IL34: variants seen among roughly 807,000 people sequenced by gnomAD.
IL34 encodes interleukin 34, also known as interleukin-34.
In IL34, 17 loss-of-function variants were observed where a neutral mutation model predicts 25.3. The observed-to-expected ratio is 0.67, with a 90% CI of 0.46 to 1.01. The LOEUF (loss-of-function observed/expected upper bound fraction) is 1.01, where lower values mean the gene tolerates loss of function less well. Ranked by LOEUF, IL34 falls within the 50% of genes least tolerant of loss-of-function variation. The pLI, the probability that IL34 is intolerant of heterozygous loss-of-function variation, is 0.00. For synonymous variants in IL34, 174 were observed against 140.9 expected, an observed-to-expected ratio of 1.23 and a Z score of -1.66; for missense variants, 368 against 312.9, an observed-to-expected ratio of 1.18 and a Z score of -1.33.
At chr16:70,622,755 G>A in intron 1 of IL34, among the ~76,000 whole-genome samples, 2 of 152,094 alleles carry the variant, frequency 1.3e-5, no homozygotes, top group Non-Finnish European at 2.9e-5. Flanking sequence ...CCGGGGAGCA[G>A]AAAGTATATG....
intron 1 of IL34, among the ~76,000 whole-genome samples, chr16:70,624,368 T>C (rs962057937): frequency 2.0e-5 from 3 of 152,182 alleles, no homozygotes; most frequent in African/African-American, 7.2e-5. Flanking sequence ...GAATTGCAAC[T>C]TTTTTTCTGT....
intron 1 of IL34, among the ~76,000 whole-genome samples, chr16:70,648,481 A>G (rs545169858): frequency 1.5e-5 from 2 of 134,734 alleles, no homozygotes; most frequent in South Asian, 5.4e-4. Flanking sequence ...TGAGCCCAGG[A>G]GGTTGAGGCT....
chr16:70,619,782 G>A (rs1270220427), intron 1 of IL34, among the ~76,000 whole-genome samples: 2 of 152,206 alleles, frequency 1.3e-5, no homozygotes, highest in African/African-American at 4.8e-5. Flanking sequence ...CCTTGGGCCA[G>A]AGTTCCAGGG....
chr16:70,588,007 C>G (rs868138525), intron 1 of IL34, among the ~76,000 whole-genome samples: 15 of 152,206 alleles, frequency 9.9e-5, no homozygotes, highest in South Asian at 6.2e-4. Context: ...CCACTGCACT[C>G]TAGCCTGGGT....
intron 1 of IL34, among the ~76,000 whole-genome samples, chr16:70,652,059 C>G (rs546389720): frequency 7.3e-5 from 11 of 151,310 alleles, no homozygotes; most frequent in African/African-American, 1.9e-4. Context: ...GCCCAGGAAG[C>G]GGAGGTTGCA....
At chr16:70,647,037 G>A in intron 1 of IL34, 62 bp downstream of exon 1, 1 of 1,354,922 alleles carries the variant, frequency 7.4e-7, no homozygotes, top group Non-Finnish European at 9.6e-7. Context: ...TCCAGGATCT[G>A]CCGTAACCAT....
At chr16:70,593,300 A>T (rs2050778170) in intron 1 of IL34, among the ~76,000 whole-genome samples, 2 of 152,138 alleles carry the variant, frequency 1.3e-5, no homozygotes. Context: ...ATAAAGTCTA[A>T]TGTCAATTTT....
chr16:70,649,508 T>C (rs1215339428), intron 1 of IL34, among the ~76,000 whole-genome samples: 2 of 152,182 alleles, frequency 1.3e-5, no homozygotes, highest in East Asian at 3.9e-4. Context: ...TAGTCCTCAG[T>C]TTGGTCCAGT....
chr16:70,619,714 G>A (rs983634942), intron 1 of IL34, among the ~76,000 whole-genome samples: 1 of 152,216 alleles, frequency 6.6e-6, no homozygotes, highest in African/African-American at 2.4e-5. Flanking sequence ...AGGCGATCGG[G>A]CAGTGTCAGT....
upstream of IL34, among the ~76,000 whole-genome samples, chr16:70,643,853 G>A (rs1218409510): frequency 6.6e-6 from 1 of 152,146 alleles, no homozygotes; most frequent in African/African-American, 2.4e-5. Flanking sequence ...TGACAATATT[G>A]TGATTATATA....
At chr16:70,628,733 C>A (rs536445085) in intron 1 of IL34, among the ~76,000 whole-genome samples, 2 of 150,898 alleles carry the variant, frequency 1.3e-5, no homozygotes, top group Non-Finnish European at 2.9e-5. Flanking sequence ...TTGATCCACC[C>A]GCCTTGGCCT....
chr16:70,585,150 G>A (rs1169449677), intron 1 of IL34, among the ~76,000 whole-genome samples: 1 of 152,160 alleles, frequency 6.6e-6, no homozygotes, highest in East Asian at 1.9e-4. Context: ...CCTTTCAGAT[G>A]TCTGTCTCTA....
chr16:70,590,523 T>C (rs1286594645), intron 1 of IL34, among the ~76,000 whole-genome samples: 1 of 152,144 alleles, frequency 6.6e-6, no homozygotes, highest in African/African-American at 2.4e-5. Flanking sequence ...GTAAAGGTGG[T>C]GCTCGGGTCA....
chr16:70,622,277 T>A (rs1385152779), intron 1 of IL34, among the ~76,000 whole-genome samples: 3 of 152,074 alleles, frequency 2.0e-5, no homozygotes, highest in Admixed American at 2.0e-4. Context: ...GTTATTTTAG[T>A]TATCTGACTC....
At chr16:70,613,588 G>C (rs1391822360) in intron 1 of IL34, among the ~76,000 whole-genome samples, 2 of 152,132 alleles carry the variant, frequency 1.3e-5, no homozygotes, top group Non-Finnish European at 1.5e-5. Flanking sequence ...GAAATGCAGA[G>C]TCCAGCCAGG....
chr16:70,605,537 C>G (rs1033639624), intron 1 of IL34, among the ~76,000 whole-genome samples: 1 of 152,146 alleles, frequency 6.6e-6, no homozygotes, highest in Admixed American at 6.5e-5. Flanking sequence ...GCCCTGGTAA[C>G]CTCTATGCTG....
chr16:70,619,539 G>C (rs1028377816), intron 1 of IL34, among the ~76,000 whole-genome samples: 2 of 151,738 alleles, frequency 1.3e-5, no homozygotes, highest in Non-Finnish European at 2.9e-5. Context: ...TTAGAAGCCT[G>C]GCCGTCAATA....
At chr16:70,581,942 A>ACC (rs58371477) in intron 1 of IL34, among the ~76,000 whole-genome samples, 9 of 151,874 alleles carry the variant, frequency 5.9e-5, no homozygotes, top group South Asian at 2.1e-4. Flanking sequence ...CAAAAACAAA[A>ACC]ACAAACAAAA....
intron 2 of IL34, among the ~76,000 whole-genome samples, chr16:70,654,990 T>G (rs2052178638): frequency 1.3e-5 from 2 of 152,070 alleles, no homozygotes; most frequent in Admixed American, 6.5e-5. Flanking sequence ...GCCAGGGAGC[T>G]AAAGACCTAG....
Sources: gnomAD v4.1 joint callset for allele counts (sites outside exome capture counted in the v4.1 genomes callset) on GRCh38, gnomAD v4.1.1 for gene constraint, MANE v1.5 for transcripts, NCBI Gene and HGNC (gene_info 2026-07-23, HGNC 2026-07-21) for gene names.